The following CHD6 variants were observed in gnomAD, a reference collection of about 807,000 sequenced individuals.
CHD6 encodes chromodomain helicase DNA binding protein 6, also known as ATP-dependent chromatin remodeler CHD6.
A neutral mutation model predicts 276.9 loss-of-function variants in CHD6; 50 were observed. The ratio of observed to expected loss-of-function variants is 0.18; its 90% CI spans 0.14 to 0.23. The LOEUF (loss-of-function observed/expected upper bound fraction) is 0.23. CHD6 is among the 10% of genes least tolerant of loss of function. CHD6 has a pLI of 1.00. For missense variants in CHD6, 2,564 were observed against 3,365.8 expected, an observed-to-expected ratio of 0.76 and a Z score of 5.89; for synonymous variants, 1,173 against 1,229.3, an observed-to-expected ratio of 0.95 and a Z score of 0.96.
At chr20:41,521,121 G>C (rs1270733217) in intron 3 of CHD6, among the ~76,000 whole-genome samples, 1 of 152,088 alleles carries the variant, frequency 6.6e-6, no homozygotes, top group East Asian at 1.9e-4. Context: ...ATCTGTTAAA[G>C]TTCTACATAT....
At position 41,415,253 on chromosome 20, in the gene CHD6, C is replaced by T. The variant is rs373193984; in HGVS notation, c.6872G>A (p.Arg2291Gln). 9.3e-6 allele frequency: 15 copies of T among 1,614,002 alleles called. No individual in the cohort carries two copies. The highest frequency in any genetic ancestry group is 5.3e-5 in the African/African-American group (4 of 74,892). The change falls in exon 34 of 37, where the codon CGG (arginine) becomes CAG (glutamine). Residue 2291 changes from arginine to glutamine, a missense_variant. Transcript: ENST00000373233. ...DAATRRRRGR[R>Q]KHVEGGMDLI... is the part of the protein sequence containing the mutation. ...GTCCATCCCTCCTTCAACATGTTTCCGCCTCCCTCTCCGCCTCCTCGTGGC... is the reference window on the plus strand; with the variant it reads ...GTCCATCCCTCCTTCAACATGTTTCTGCCTCCCTCTCCGCCTCCTCGTGGC...
At chr20:41,496,667 A>C (rs999156778) in intron 8 of CHD6, 7 of 152,212 alleles carry the variant, frequency 4.6e-5, no homozygotes, top group African/African-American at 1.7e-4. Context: ...CATGTGTTCC[A>C]ATCTTCTCAA....
At chr20:41,535,293 TA>T (rs750427070) in intron 2 of CHD6, among the ~76,000 whole-genome samples, 14 of 152,210 alleles carry the variant, frequency 9.2e-5, no homozygotes, top group Non-Finnish European at 1.9e-4. Context: ...ATGGGTACAC[TA>T]GGGCTTCTGC....
intron 1 of CHD6, among the ~76,000 whole-genome samples, chr20:41,612,840 C>A (rs908559425): frequency 2.0e-5 from 3 of 152,146 alleles, no homozygotes; most frequent in African/African-American, 7.2e-5. Context: ...TTTCCCTAAT[C>A]TAATTATTAT....
At chr20:41,475,314 A>G (rs539398742) in intron 16 of CHD6, among the ~76,000 whole-genome samples, 6 of 152,314 alleles carry the variant, frequency 3.9e-5, no homozygotes, top group African/African-American at 1.2e-4. Flanking sequence ...TACAAGTAAC[A>G]TATCTTGCTC....
rs762479281 is a variant in CHD6 at position 41,421,366 on chromosome 20, C to G, written c.5269G>C (p.Gly1757Arg). The G allele has an allele frequency of 3.5e-5, 56 of 1,613,862 alleles. No individual in the cohort carries two copies. The highest frequency in any genetic ancestry group is 4.6e-5 in the Non-Finnish European group (54 of 1,179,926). Reference protein sequence around the residue: ...SGGPEAEIASGPTFMGSLEAG... With the variant: ...SGGPEAEIASRPTFMGSLEAG... ...TCTAAGCTACCCATAAAAGTAGGGCCAGAAGCTATTTCTGCCTCAGGGCCA... is the reference window on the plus strand; with the variant it reads ...TCTAAGCTACCCATAAAAGTAGGGCGAGAAGCTATTTCTGCCTCAGGGCCA... Residue 1757 changes from glycine to arginine, a missense_variant, in exon 31 of 37, where the codon GGC (glycine) becomes CGC (arginine). This residue lies in a region of CHD6 where 1,024 missense variants were observed against 1,047.9 expected (regional missense o/e 0.98). Coordinates refer to ENST00000373233, the MANE Select transcript of CHD6 (RefSeq NM_032221.5).
Position 41,455,794 on chromosome 20 carries a change from C to T in CHD6, c.3009+6G>A, listed in dbSNP as rs1174369972. 1 of 1,575,962 alleles carries T rather than the reference C, an allele frequency of 6.3e-7. No individual in the cohort carries two copies. The highest frequency in any genetic ancestry group is 8.6e-7 in the Non-Finnish European group (1 of 1,162,640). ...CCCCAACAGCTCTGGAGAGAAGGCC[C>T]TGTACCTTGGCAAAAGTGGACCCTT... On this transcript the variant is annotated splice_donor_region_variant and intron_variant, in intron 19 of 36. Coordinates refer to ENST00000373233, the MANE Select transcript of CHD6 (RefSeq NM_032221.5).
chr20:41,589,944 A>T (rs2045638467), intron 1 of CHD6, among the ~76,000 whole-genome samples: 1 of 152,222 alleles, frequency 6.6e-6, no homozygotes, highest in East Asian at 1.9e-4. Flanking sequence ...TGGAGGCATC[A>T]CGCTACCTGA....
chr20:41,539,900 C>T (rs577821873), intron 2 of CHD6, among the ~76,000 whole-genome samples: 157 of 152,264 alleles, frequency 1.0e-3, no homozygotes, highest in African/African-American at 3.5e-3. Flanking sequence ...AGACATGAAA[C>T]ATGTCTACAT....
Position 41,404,553 on chromosome 20 carries a change from A to C in CHD6, c.*40T>G. On this transcript the variant is annotated 3_prime_UTR_variant, in exon 37 of 37. Transcript: ENST00000373233. ...AAGTAACAAACCTTTATGGGATAAG[A>C]AACTTACAAGTCACAATAATTTCTT... 1 of 1,469,648 alleles carries C rather than the reference A, an allele frequency of 6.8e-7. No individual in the cohort carries two copies. The highest frequency in any genetic ancestry group is 1.6e-5 in the South Asian group (1 of 60,984). The allele number at this position is 1,469,648 out of a possible 1,614,324, so 91.0% of individuals were successfully genotyped here. A position where few individuals can be genotyped will look rare whatever the true frequency, so the allele number is the denominator to read the frequency against.
At chr20:41,469,377 A>C (rs998657756) in intron 17 of CHD6, among the ~76,000 whole-genome samples, 5 of 152,230 alleles carry the variant, frequency 3.3e-5, no homozygotes, top group South Asian at 2.1e-4. Flanking sequence ...AGAGAATAAG[A>C]AGCAGAAGTA....
intron 2 of CHD6, among the ~76,000 whole-genome samples, chr20:41,543,609 T>A (rs183220122): frequency 6.6e-6 from 1 of 151,210 alleles, no homozygotes; most frequent in East Asian, 1.9e-4. Flanking sequence ...TAAATAAATG[T>A]AGTAGGACAT....
chr20:41,488,772 T>C (rs1271271912), intron 12 of CHD6, among the ~76,000 whole-genome samples, 168 bp from the exon 13 acceptor site: 1 of 152,212 alleles, frequency 6.6e-6, no homozygotes, highest in Admixed American at 6.5e-5. Flanking sequence ...ACGAGCTAGT[T>C]AGCCAGAAGG....
At chr20:41,443,934 T>C (rs1037197676) in intron 25 of CHD6, among the ~76,000 whole-genome samples, 7 of 152,170 alleles carry the variant, frequency 4.6e-5, no homozygotes, top group Admixed American at 2.0e-4. Flanking sequence ...GGTGGGTGTG[T>C]TGGGGTGGGG....
chr20:41,440,105 C>T lies in CHD6; in HGVS notation c.3902G>A (p.Arg1301Gln), dbSNP rs1159678309. 7 of 1,614,024 alleles carry T rather than the reference C, an allele frequency of 4.3e-6. No homozygotes were observed. Among genetic ancestry groups the T allele is most frequent in the Admixed American group, 1.7e-5 (1 of 60,020 alleles). ...KHGYERYNAM[R>Q]ADPALCFLEK... The stretch of plus-strand genomic sequence containing the variant: ...CAGGAAGCAAAGTGCTGGGTCTGCT[C>T]GCATGGCATTGTACCTTTCATAACC... Residue 1301 changes from arginine (R) to glutamine (Q), a missense_variant, in exon 26 of 37, where the codon CGA becomes CAA. Around this residue, in one of 7 missense-constraint regions of CHD6, gnomAD observed 515 missense variants for 739.5 expected, o/e 0.70. Coordinates refer to ENST00000373233, the MANE Select transcript of CHD6 (RefSeq NM_032221.5).
rs773070132 is a variant in CHD6 at position 41,425,242 on chromosome 20, C to T, written c.4282G>A (p.Val1428Ile). The change falls in exon 29 of 37, where the codon GTT (valine) becomes ATT (isoleucine). Residue 1428 changes from valine to isoleucine, a missense_variant. Coordinates refer to ENST00000373233, the MANE Select transcript of CHD6 (RefSeq NM_032221.5). Reference sequence around the variant, plus strand: ...GTTCTCCTGAACATCTCTTCCTGAACCCAATATCCTTGGTTACCTGGTCCC... The same window carrying T: ...GTTCTCCTGAACATCTCTTCCTGAATCCAATATCCTTGGTTACCTGGTCCC... ...ILGPGNQGYW[V>I]QEEMFRRTSE... The T allele has an allele frequency of 2.6e-5, 42 of 1,614,198 alleles. No individual in the cohort carries two copies. Among genetic ancestry groups the T allele is most frequent in the Non-Finnish European group, 3.5e-5 (41 of 1,180,042 alleles).
chr20:41,452,985 C>A lies in CHD6; in HGVS notation c.3121-43G>T, dbSNP rs1379286767. On this transcript the variant is annotated intron_variant, in intron 20 of 36. Transcript: ENST00000373233. This position sits in a 1 kb window ranked among gnomAD's most constrained non-coding sequence, Gnocchi z 4.2. Reference sequence around the variant, plus strand: ...TACTGGGAAGAAAGTCCTCTTTTCTCTACTCCTTTCACAAAGCATAAGTGT... The same window carrying A: ...TACTGGGAAGAAAGTCCTCTTTTCTATACTCCTTTCACAAAGCATAAGTGT... The A allele has an allele frequency of 6.8e-7, 1 of 1,464,860 alleles. No homozygotes were observed. Among genetic ancestry groups the A allele is most frequent in the South Asian group, 1.1e-5 (1 of 87,702 alleles). 90.7% of individuals were successfully genotyped at this position (1,464,860 alleles called of 1,614,324 possible).
chr20:41,514,798 G>C lies in CHD6; in HGVS notation c.702+7C>G. 2 of 1,613,472 alleles carry C rather than the reference G, an allele frequency of 1.2e-6. No homozygotes were observed. The highest frequency in any genetic ancestry group is 2.2e-5 in the South Asian group (2 of 90,946). On this transcript the variant is annotated splice_region_variant and intron_variant, in intron 4 of 36. Transcript: ENST00000373233. ...ATCTCCACCAGGCCTCCCGGTCACA[G>C]CTGTACCTGGCTGTCTGTAGACTCA...
chr20:41,528,533 T>G (rs2044601348), intron 3 of CHD6, among the ~76,000 whole-genome samples: 1 of 152,214 alleles, frequency 6.6e-6, no homozygotes. Flanking sequence ...GAGCTTTCTT[T>G]CTTGCTTAAG....
Sources: gnomAD v4.1 joint callset for allele counts (sites outside exome capture counted in the v4.1 genomes callset) on GRCh38, gnomAD v4.1.1 for gene constraint, gnomAD v4.1.1 regional missense constraint, Gnocchi (gnomAD v3.1) non-coding constraint, MANE v1.5 for transcripts, NCBI Gene and HGNC (gene_info 2026-07-23, HGNC 2026-07-21) for gene names.